Variants in IPO9 observed in about 807,000 individuals in gnomAD.
IPO9 encodes the protein importin 9, also known as importin-9.
IPO9 carries 28 observed loss-of-function variants against 128.6 expected under a neutral mutation model. The observed-to-expected ratio is 0.22, with a 90% CI of 0.16 to 0.30. The LOEUF (loss-of-function observed/expected upper bound fraction) is 0.30. Among genes scored for constraint, IPO9 ranks in the 10% least tolerant of loss-of-function variants. The pLI is 1.00. For synonymous variants in IPO9, 455 were observed against 475.8 expected (o/e 0.96, Z 0.57); for missense variants, 935 against 1,293.9 (o/e 0.72, Z 4.26).
At chr1:201,837,423 G>A (rs1415068448) in intron 1 of IPO9, among the ~76,000 whole-genome samples, 2 of 152,158 alleles carry the variant, frequency 1.3e-5, no homozygotes, top group Non-Finnish European at 2.9e-5. Context: ...TGGTCTTCAT[G>A]CTCTAATGAC....
intron 4 of IPO9, 22 bp from the exon 5 acceptor site, chr1:201,852,082 A>G: frequency 6.8e-7 from 1 of 1,468,324 alleles, no homozygotes; most frequent in South Asian, 1.2e-5. Flanking sequence ...TTTTTTTAAC[A>G]GTACTACTTT....
intron 13 of IPO9, among the ~76,000 whole-genome samples, chr1:201,862,007 A>G (rs1171448392): frequency 1.3e-5 from 2 of 152,184 alleles, no homozygotes; most frequent in African/African-American, 4.8e-5. Flanking sequence ...GAGTTTGGAA[A>G]CCATAAAGGG....
At chr1:201,865,458 C>T (rs1350681356) in intron 14 of IPO9, among the ~76,000 whole-genome samples, 1 of 152,042 alleles carries the variant, frequency 6.6e-6, no homozygotes, top group African/African-American at 2.4e-5. Flanking sequence ...TCCGCTCGCC[C>T]CCACCTCCCA....
chr1:201,874,711 C>T (rs957762881), intron 21 of IPO9, 121 bp from the exon 22 acceptor site: 1 of 722,952 alleles, frequency 1.4e-6, no homozygotes. Flanking sequence ...TTCTCTTTCA[C>T]TGGGGACTAC....
chr1:201,837,897 C>T (rs1277161426), intron 1 of IPO9, among the ~76,000 whole-genome samples: 1 of 151,948 alleles, frequency 6.6e-6, no homozygotes, highest in African/African-American at 2.4e-5. Flanking sequence ...ATGGAGAAAC[C>T]ACATTTCTAC....
chr1:201,834,075 C>T (rs1180295335), intron 1 of IPO9, among the ~76,000 whole-genome samples: 1 of 151,990 alleles, frequency 6.6e-6, no homozygotes, highest in Admixed American at 6.6e-5. Flanking sequence ...CACCTGGCCC[C>T]TTTCATTTTT....
rs1293536167 is a variant in IPO9, at chr1:201,877,212, GGA to G, written c.*1164_*1165del. On this transcript the variant is annotated 3_prime_UTR_variant, in exon 24 of 24. Coordinates refer to ENST00000361565, the MANE Select transcript of IPO9 (RefSeq NM_018085.5). ...GAGTAAATGAGGATTAGAAAATCAT[GGA>G]GAGAGGCTGGGCGCGGTGGCTAACG... is the stretch of plus-strand genomic sequence containing the variant. 6.6e-6 allele frequency: 1 copy of G among 152,196 alleles called. No homozygotes were observed. The highest frequency in any genetic ancestry group is 1.5e-5 in the Non-Finnish European group (1 of 68,046). 9.4% of individuals were successfully genotyped at this position (152,196 alleles called of 1,614,324 possible). A position where few individuals can be genotyped will look rare whatever the true frequency, so the allele number is the denominator to read the frequency against.
chr1:201,871,022 GA>G (rs1680641091), intron 18 of IPO9, 138 bp from the exon 19 acceptor site: 1 of 1,262,400 alleles, frequency 7.9e-7, no homozygotes. Flanking sequence ...CATGGACAAG[GA>G]AATCTCCCAT....
At chr1:201,840,089 ATTTAT>A (rs1306832077) in intron 1 of IPO9, among the ~76,000 whole-genome samples, 4 of 152,176 alleles carry the variant, frequency 2.6e-5, no homozygotes, top group Non-Finnish European at 5.9e-5. Flanking sequence ...TGACAAAAAA[ATTTAT>A]TTTATTTACT....
Position 201,870,637 on chromosome 1 carries a change from C to T in IPO9, c.2188C>T (p.Gln730Ter), listed in dbSNP as rs1438587112. The stretch of plus-strand genomic sequence containing the variant: ...GTCAGTGACCCTGGAACAAGTAGCC[C>T]AGTGGCATGATGAGCAGGGCCACAA... ...YVSVTLEQVA[Q>*]WHDEQGHNGL... Residue 730 changes from glutamine to a stop codon, truncating the protein, a stop_gained, in exon 18 of 24, where the codon CAG (glutamine) becomes TAG (stop). Coordinates refer to ENST00000361565, the MANE Select transcript of IPO9 (RefSeq NM_018085.5). LOFTEE classifies it high-confidence loss of function. The surrounding 1 kb of genome is among the most constrained non-coding windows in gnomAD (Gnocchi z 4.9). 6.2e-7 allele frequency: 1 copy of T among 1,614,170 alleles called. No homozygotes were observed.
intron 16 of IPO9, among the ~76,000 whole-genome samples, chr1:201,869,248 CAAAA>C (rs1191086030): frequency 6.6e-6 from 1 of 152,012 alleles, no homozygotes; most frequent in Non-Finnish European, 1.5e-5. Flanking sequence ...GAGACTGCCT[CAAAA>C]AGAAAGAAAG....
At chr1:201,843,646 G>A (rs1164072202) in intron 1 of IPO9, among the ~76,000 whole-genome samples, 1 of 152,142 alleles carries the variant, frequency 6.6e-6, no homozygotes, top group East Asian at 1.9e-4. Flanking sequence ...TGGCCAACAT[G>A]GCAAAACCCA....
intron 21 of IPO9, 115 bp from the exon 22 acceptor site, chr1:201,874,716 GA>G: frequency 1.4e-6 from 1 of 732,348 alleles, no homozygotes; most frequent in Non-Finnish European, 2.4e-6. Flanking sequence ...TTTCACTGGG[GA>G]CTACAAGCCA....
chr1:201,832,526 T>C (rs1349105619), intron 1 of IPO9, among the ~76,000 whole-genome samples: 1 of 152,242 alleles, frequency 6.6e-6, no homozygotes, highest in Non-Finnish European at 1.5e-5. Context: ...CCCAAAATGC[T>C]GAGATTACAG....
intron 13 of IPO9, among the ~76,000 whole-genome samples, chr1:201,862,882 A>G (rs1037462335): frequency 1.3e-5 from 2 of 152,116 alleles, no homozygotes; most frequent in African/African-American, 4.8e-5. Context: ...CTGGGGTGGT[A>G]AAGTCTTTTT....
Position 201,868,726 on chromosome 1 carries a change from T to C in IPO9, c.1934T>C (p.Met645Thr), listed in dbSNP as rs1680598649. The change falls in exon 16 of 24, where the codon ATG becomes ACG. Residue 645 changes from methionine (M) to threonine (T), a missense_variant. Around this residue, in one of 3 missense-constraint regions of IPO9, gnomAD observed 741 missense variants for 1,019.1 expected, o/e 0.73. Transcript: ENST00000361565. ...GAAGCCTGTCAGGGCCCAATGCAAA[T>C]GAGGCTGATTCCCACTCTGGTCAGC... ...QIEACQGPMQ[M>T]RLIPTLVSIM... 7 of 1,613,906 alleles carry C rather than the reference T, an allele frequency of 4.3e-6. No individual in the cohort carries two copies. The highest frequency in any genetic ancestry group is 1.6e-4 in the Middle Eastern group (1 of 6,062).
intron 1 of IPO9, among the ~76,000 whole-genome samples, chr1:201,837,386 T>C (rs556331453): frequency 6.6e-6 from 1 of 152,320 alleles, no homozygotes; most frequent in African/African-American, 2.4e-5. Context: ...CCTTAAGCTG[T>C]GATAGGACCT....
intron 4 of IPO9, among the ~76,000 whole-genome samples, chr1:201,851,342 C>T (rs538181872): frequency 2.0e-5 from 3 of 151,980 alleles, no homozygotes; most frequent in Non-Finnish European, 2.9e-5. Context: ...ATAGTGATAA[C>T]GTGGAAAAGC....
At chr1:201,833,067 A>G (rs112381131) in intron 1 of IPO9, among the ~76,000 whole-genome samples, 34 of 152,306 alleles carry the variant, frequency 2.2e-4, no homozygotes, top group African/African-American at 7.9e-4. Flanking sequence ...TCTGATAAAT[A>G]AATAAATTGC....
Sources: gnomAD v4.1 joint callset for allele counts (sites outside exome capture counted in the v4.1 genomes callset) on GRCh38, gnomAD v4.1.1 for gene constraint, gnomAD v4.1.1 regional missense constraint, Gnocchi (gnomAD v3.1) non-coding constraint, MANE v1.5 for transcripts, NCBI Gene and HGNC (gene_info 2026-07-23, HGNC 2026-07-21) for gene names.